The following XRCC5 variants were observed in gnomAD, a reference collection of about 807,000 sequenced individuals.
The protein encoded by XRCC5 is X-ray repair cross complementing 5.
A neutral mutation model predicts 95.7 loss-of-function variants in XRCC5; 12 were observed. That is an observed-to-expected ratio of 0.13 (90% CI 0.08 to 0.20). The LOEUF (loss-of-function observed/expected upper bound fraction) is 0.20. Ranked by LOEUF, XRCC5 falls within the 10% of genes least tolerant of loss-of-function variation. The pLI, the probability that XRCC5 is intolerant of heterozygous loss-of-function variation, is 1.00. For synonymous variants in XRCC5, 281 were observed against 290.3 expected (o/e 0.97, Z 0.33); for missense variants, 595 against 873.9 (o/e 0.68, Z 4.02).
chr2:216,137,215 A>C lies in XRCC5; in HGVS notation c.1241A>C (p.His414Pro). Reference sequence around the variant, plus strand: ...GGCGTGGCTTTTCCTCATATCAAGCATAACTATGAGGTAAAACCCAAAGTC... The same window carrying C: ...GGCGTGGCTTTTCCTCATATCAAGCCTAACTATGAGGTAAAACCCAAAGTC... Reference protein sequence around the residue: ...QVGVAFPHIKHNYECLVYVQL... With the variant: ...QVGVAFPHIKPNYECLVYVQL... The change falls in exon 11 of 21, where the codon CAT (histidine) becomes CCT (proline). Residue 414 changes from histidine to proline, a missense_variant. This residue lies in a region of XRCC5 where 309 missense variants were observed against 382.9 expected (regional missense o/e 0.81). Coordinates refer to ENST00000392132, the MANE Select transcript of XRCC5 (RefSeq NM_021141.4). 1 of 1,613,162 alleles carries C rather than the reference A, an allele frequency of 6.2e-7. No individual in the cohort carries two copies. The highest frequency in any genetic ancestry group is 8.5e-7 in the Non-Finnish European group (1 of 1,179,500).
At chr2:216,134,672 A>ACC (rs34118455) in intron 10 of XRCC5, among the ~76,000 whole-genome samples, 260 of 132,974 alleles carry the variant, frequency 2.0e-3, no homozygotes, top group Non-Finnish European at 2.8e-3. Context: ...CAGGTGATCC[A>ACC]CCCCCCCCCC....
In XRCC5 at chr2:216,148,105, A is replaced by G. The variant is rs1475552099; in HGVS notation, c.1499A>G (p.His500Arg). Residue 500 changes from histidine (H) to arginine (R), a missense_variant, in exon 14 of 21, where the codon CAT becomes CGT. By Grantham distance (29) the His-to-Arg change is conservative. Coordinates refer to ENST00000392132, the MANE Select transcript of XRCC5 (RefSeq NM_021141.4). ...LFQCLLHRAL[H>R]PREPLPPIQQ... ...CAGTGTCTGCTGCACAGAGCTTTAC[A>G]TCCCCGGGAGCCTCTACCCCCAATT... 1 of 1,613,768 alleles carries G rather than the reference A, an allele frequency of 6.2e-7. No individual in the cohort carries two copies. Among genetic ancestry groups the G allele is most frequent in the Admixed American group, 1.7e-5 (1 of 59,902 alleles).
At chr2:216,147,982 T>C in intron 13 of XRCC5, 101 bp from the exon 14 acceptor site, 2 of 1,274,688 alleles carry the variant, frequency 1.6e-6, no homozygotes, top group South Asian at 2.7e-5. Flanking sequence ...TATGAATCAC[T>C]TAGCCCTCCC....
Position 216,205,466 on chromosome 2 carries a change from C to T in XRCC5, c.*264C>T. The stretch of plus-strand genomic sequence containing the variant: ...TTATTTTTTCTGTGGTCTTACTGAT[C>T]TTTGTATATTACATACATGCTTTGA... On this transcript the variant is annotated 3_prime_UTR_variant, in exon 21 of 21. Transcript: ENST00000392132. 2.0e-6 allele frequency: 1 copy of T among 510,680 alleles called. No individual in the cohort carries two copies. Among genetic ancestry groups the T allele is most frequent in the Non-Finnish European group, 3.5e-6 (1 of 285,308 alleles). 31.6% of individuals were successfully genotyped at this position (510,680 alleles called of 1,614,324 possible). A position where few individuals can be genotyped will look rare whatever the true frequency, so the allele number is the denominator to read the frequency against.
intron 1 of XRCC5, 131 bp downstream of exon 1, chr2:216,109,588 G>C: frequency 3.6e-6 from 5 of 1,379,730 alleles, no homozygotes; most frequent in Non-Finnish European, 5.0e-6. Context: ...GGTGGGCTCA[G>C]TCAGGAGGGC....
intron 19 of XRCC5, among the ~76,000 whole-genome samples, chr2:216,200,850 A>G (rs1053509108): frequency 3.3e-5 from 5 of 152,234 alleles, no homozygotes; most frequent in African/African-American, 1.2e-4. Flanking sequence ...TTATTCATCC[A>G]TTCTCCTAAT....
At chr2:216,124,759 C>T (rs538547706) in intron 6 of XRCC5, among the ~76,000 whole-genome samples, 2 of 152,314 alleles carry the variant, frequency 1.3e-5, no homozygotes, top group South Asian at 4.1e-4. Flanking sequence ...AGGAGTTCAG[C>T]CAGAAAGTCT....
At chr2:216,154,452 G>C (rs760249783) in intron 14 of XRCC5, among the ~76,000 whole-genome samples, 1 of 152,188 alleles carries the variant, frequency 6.6e-6, no homozygotes, top group Non-Finnish European at 1.5e-5. Context: ...GCTCTTAATA[G>C]CATCGCCCAC....
chr2:216,159,630 G>A (rs1039468184), intron 14 of XRCC5, among the ~76,000 whole-genome samples: 5 of 152,202 alleles, frequency 3.3e-5, no homozygotes, highest in African/African-American at 4.8e-5. Flanking sequence ...AAAACGGGTT[G>A]TTAGACACAA....
chr2:216,152,181 A>G (rs373533968), intron 14 of XRCC5, among the ~76,000 whole-genome samples: 18 of 152,304 alleles, frequency 1.2e-4, no homozygotes, highest in African/African-American at 4.3e-4. Flanking sequence ...TCATGCCTGT[A>G]ATCCCAGCAC....
chr2:216,192,788 T>C (rs919167379), intron 18 of XRCC5, 53 bp downstream of exon 18: 5 of 1,203,384 alleles, frequency 4.2e-6, no homozygotes, highest in South Asian at 3.3e-5. Flanking sequence ...ATACTTATGC[T>C]ATTTTATTCT....
intron 13 of XRCC5, among the ~76,000 whole-genome samples, chr2:216,142,211 T>C (rs1399214988): frequency 6.6e-6 from 1 of 152,154 alleles, no homozygotes; most frequent in Non-Finnish European, 1.5e-5. Context: ...TAAATAACAC[T>C]TTTCTTTGTT....
At chr2:216,116,463 G>A (rs705649) in intron 2 of XRCC5, among the ~76,000 whole-genome samples, 196 bp from the exon 3 acceptor site, 78,715 of 151,908 alleles carry the variant, frequency 0.52, 20,840 homozygotes, top group Non-Finnish European at 0.56. Context: ...TGAGACTTAT[G>A]GTCAATGAAA....
chr2:216,135,797 T>TCA (rs1697065217), intron 10 of XRCC5, among the ~76,000 whole-genome samples: 1 of 130,826 alleles, frequency 7.6e-6, no homozygotes, highest in African/African-American at 2.8e-5. Flanking sequence ...AGACTCTGTC[T>TCA]CAAAAAAAAA....
chr2:216,180,310 G>T (rs1048882796), intron 16 of XRCC5, among the ~76,000 whole-genome samples: 3 of 152,172 alleles, frequency 2.0e-5, no homozygotes, highest in African/African-American at 7.2e-5. Context: ...GCAGATGCAG[G>T]TAGGTGACTA....
In XRCC5 at chr2:216,192,654, C is replaced by A; in HGVS notation, c.1960C>A (p.Arg654Ser). 6 of 1,589,836 alleles carry A rather than the reference C, an allele frequency of 3.8e-6. No individual in the cohort carries two copies. Among genetic ancestry groups the A allele is most frequent in the Non-Finnish European group, 5.1e-6 (6 of 1,168,142 alleles). ...GCTACCACAGTTTTCAGAAGAGCAG[C>A]GCTTTAACAACTTCCTGAAAGCCCT... ...EEAIKFSEEQ[R>S]FNNFLKALQE... The change falls in exon 18 of 21, where the codon CGC becomes AGC. Residue 654 changes from arginine (R) to serine (S), a missense_variant. Arg to Ser is a moderately radical substitution (Grantham distance 110, BLOSUM62 -1). This residue lies in a region of XRCC5 where 309 missense variants were observed against 382.9 expected (regional missense o/e 0.81). Transcript: ENST00000392132.
intron 4 of XRCC5, among the ~76,000 whole-genome samples, chr2:216,118,817 A>G (rs1696748528): frequency 6.6e-6 from 1 of 152,204 alleles, no homozygotes; most frequent in Non-Finnish European, 1.5e-5. Flanking sequence ...CAGAAACATA[A>G]CATTTCCATA....
chr2:216,129,287 G>A (rs1696943924), intron 8 of XRCC5, among the ~76,000 whole-genome samples: 1 of 152,170 alleles, frequency 6.6e-6, no homozygotes, highest in Non-Finnish European at 1.5e-5. Flanking sequence ...CTTTTCTCCT[G>A]TCCTCCAGTT....
At chr2:216,112,203 C>T (rs1043032245) in intron 1 of XRCC5, among the ~76,000 whole-genome samples, 11 of 152,310 alleles carry the variant, frequency 7.2e-5, no homozygotes, top group Non-Finnish European at 1.3e-4. Flanking sequence ...CTCCTACATA[C>T]GTGATTGCTA....
Sources: gnomAD v4.1 joint callset for allele counts (sites outside exome capture counted in the v4.1 genomes callset) on GRCh38, gnomAD v4.1.1 for gene constraint, gnomAD v4.1.1 regional missense constraint, MANE v1.5 for transcripts, NCBI Gene and HGNC (gene_info 2026-07-23, HGNC 2026-07-21) for gene names.